LIPF: variants seen among roughly 807,000 people sequenced by gnomAD.
LIPF encodes gastric triacylglycerol lipase.
Under a neutral mutation model 38.0 loss-of-function variants are expected in LIPF, and 25 were observed. The observed-to-expected ratio is 0.66, with a 90% CI of 0.48 to 0.92. The LOEUF (loss-of-function observed/expected upper bound fraction) is 0.92, where lower values mean the gene tolerates loss of function less well. LIPF is among the 40% of genes least tolerant of loss of function. The pLI is 0.00. For missense variants in LIPF, 410 were observed against 469.9 expected (o/e 0.87, Z 1.18); for synonymous variants, 161 against 156.2 (o/e 1.03, Z -0.23).
Position 88,675,572 on chromosome 10 carries a change from C to T in LIPF, c.817-14C>T, listed in dbSNP as rs1157280313. On this transcript the variant is annotated splice_polypyrimidine_tract_variant and intron_variant, in intron 7 of 9. Coordinates refer to ENST00000238983, the MANE Select transcript of LIPF (RefSeq NM_004190.4). ...CTTAGTATGTATATAATATGTGTGT[C>T]TGTTGATTTCTAGAGTCGCTTGGAT... is the stretch of plus-strand genomic sequence containing the variant. The T allele has an allele frequency of 1.3e-6, 2 of 1,587,772 alleles. No homozygotes were observed. The highest frequency in any genetic ancestry group is 1.7e-6 in the Non-Finnish European group (2 of 1,156,684).
rs1841725852 is a variant in LIPF, at chr10:88,678,612, C to T, written c.1128C>T (p.Ile376=). The T allele has an allele frequency of 9.3e-6, 15 of 1,613,962 alleles. No homozygotes were observed. The highest frequency in any genetic ancestry group is 1.3e-5 in the Non-Finnish European group (15 of 1,179,852). ...EIPFYNHLDF[I]WAMDAPQEVY... ...CTTTTTACAATCACTTGGACTTTAT[C>T]TGGGCAATGGATGCCCCTCAAGAAG... The change falls in exon 10 of 10, where the codon ATC becomes ATT. Residue 376 remains isoleucine (I), a synonymous_variant. Transcript: ENST00000238983.
intron 7 of LIPF, among the ~76,000 whole-genome samples, chr10:88,674,018 G>A (rs1392199455): frequency 6.6e-6 from 1 of 152,180 alleles, no homozygotes; most frequent in Non-Finnish European, 1.5e-5. Flanking sequence ...AATTCTGTAA[G>A]AGAAAGGACT....
chr10:88,669,933 GGGCACCACCA>G lies in LIPF; in HGVS notation c.520_529del (p.Gly174LeufsTer22). On this transcript the variant is annotated frameshift_variant, in exon 5 of 10. Transcript: ENST00000238983. LOFTEE classifies it high-confidence loss of function. ...AGCTACACTATGTTGGCCATTCCCAGGGCACCACCATTGGTAAGTAATGGCAGTCAAGGCC... is the reference window on the plus strand; with the variant it reads ...AGCTACACTATGTTGGCCATTCCCAGTTGGTAAGTAATGGCAGTCAAGGCC... 1 of 1,609,276 alleles carries G rather than the reference GGGCACCACCA, an allele frequency of 6.2e-7. No homozygotes were observed. Among genetic ancestry groups the G allele is most frequent in the Non-Finnish European group, 8.5e-7 (1 of 1,176,388 alleles).
intron 9 of LIPF, 137 bp downstream of exon 9, chr10:88,676,417 G>A (rs1841687075): frequency 1.6e-6 from 1 of 627,370 alleles, no homozygotes; most frequent in African/African-American, 1.9e-5. Flanking sequence ...TCTCCCACAT[G>A]ACTATGCATT....
chr10:88,673,529 A>AG, intron 6 of LIPF, 59 bp from the exon 7 acceptor site: 1 of 1,286,416 alleles, frequency 7.8e-7, no homozygotes, highest in South Asian at 1.4e-5. Context: ...TAGATAAACT[A>AG]GTGAGTCTTT....
At chr10:88,677,058 T>A (rs1841699966) in intron 9 of LIPF, among the ~76,000 whole-genome samples, 1 of 152,176 alleles carries the variant, frequency 6.6e-6, no homozygotes, top group East Asian at 1.9e-4. Context: ...ATCCAATTTT[T>A]CCATCCAAGT....
rs565907216 is a variant in LIPF at position 88,668,927 on chromosome 10, C to A, written c.422+171C>A. The A allele has an allele frequency of 1.9e-4, 113 of 603,530 alleles. No homozygotes were observed. In the Admixed American group the frequency reaches 3.3e-3, roughly 17 times the overall value. 37.4% of individuals were successfully genotyped at this position (603,530 alleles called of 1,614,324 possible). On this transcript the variant is annotated intron_variant, in intron 4 of 9. Transcript: ENST00000238983. ...TCCATGTACCTCATTCCTAGGGTAG[C>A]TTTTCCTTCAAACTTTTGTGATCTC...
intron 9 of LIPF, among the ~76,000 whole-genome samples, chr10:88,677,084 C>A (rs766929392): frequency 6.6e-6 from 1 of 152,184 alleles, no homozygotes; most frequent in Non-Finnish European, 1.5e-5. Context: ...CTGAACAACT[C>A]TACTAATTTT....
At chr10:88,675,720 A>G (rs944684946) in intron 8 of LIPF, 63 bp downstream of exon 8, 8 of 1,194,590 alleles carry the variant, frequency 6.7e-6, no homozygotes, top group Admixed American at 1.8e-5. Flanking sequence ...CACTTTACCT[A>G]AACACATTCT....
At chr10:88,674,063 A>C (rs1196598570) in intron 7 of LIPF, among the ~76,000 whole-genome samples, 5 of 152,232 alleles carry the variant, frequency 3.3e-5, no homozygotes, top group Admixed American at 3.3e-4. Context: ...TTTGTGAGAA[A>C]AATGTCTAGA....
chr10:88,667,424 C>T, intron 2 of LIPF, 22 bp downstream of exon 2: 1 of 1,344,832 alleles, frequency 7.4e-7, no homozygotes, highest in Non-Finnish European at 1.1e-6. Context: ...TGGGGAAAAA[C>T]TCTATAAAAC....
chr10:88,667,444 C>A, intron 2 of LIPF, 42 bp downstream of exon 2: 1 of 1,224,116 alleles, frequency 8.2e-7, no homozygotes, highest in South Asian at 1.3e-5. Flanking sequence ...CTAAAAGATG[C>A]TATTATTTAA....
Position 88,669,831 on chromosome 10 carries a change from T to G in LIPF, c.423-6T>G. ...ATTCACTTTCATTTTGTCTTTTTCC[T>G]TTCAGCTTTGATGAAATGGCTAAAT... On this transcript the variant is annotated splice_polypyrimidine_tract_variant and splice_region_variant and intron_variant, in intron 4 of 9. Coordinates refer to ENST00000238983, the MANE Select transcript of LIPF (RefSeq NM_004190.4). The G allele has an allele frequency of 1.3e-6, 2 of 1,592,686 alleles. No homozygotes were observed. The highest frequency in any genetic ancestry group is 1.7e-6 in the Non-Finnish European group (2 of 1,163,762).
In LIPF at chr10:88,668,559, C is replaced by T. The variant is rs112490931; in HGVS notation, c.225C>T (p.Gly75=). ...PYGKKNSGNT[G]QRPVVFLQHG... is the part of the protein sequence containing the mutation. ...GTTTATAAACATTTTCTTCCTTAGG[C>T]CAGAGACCTGTTGTGTTTTTGCAGC... Residue 75 remains glycine, a splice_region_variant and synonymous_variant, in exon 4 of 10, where the codon GGC becomes GGT. Transcript: ENST00000238983. The T allele has an allele frequency of 2.5e-6, 4 of 1,613,922 alleles. No individual in the cohort carries two copies. Among genetic ancestry groups the T allele is most frequent in the East Asian group, 4.5e-5 (2 of 44,878 alleles).
chr10:88,664,630 T>C (rs1841485532), intron 1 of LIPF, 139 bp downstream of exon 1: 1 of 152,610 alleles, frequency 6.6e-6, no homozygotes, highest in South Asian at 2.1e-4. Flanking sequence ...TTATGGCTTA[T>C]TCCTCTAGGA....
intron 9 of LIPF, among the ~76,000 whole-genome samples, chr10:88,677,205 A>G (rs574710328): frequency 6.6e-6 from 1 of 152,176 alleles, no homozygotes; most frequent in Non-Finnish European, 1.5e-5. Flanking sequence ...TGATATCTTT[A>G]AAGTTTTCAG....
intron 5 of LIPF, among the ~76,000 whole-genome samples, chr10:88,671,091 A>G (rs17287065): frequency 0.014 from 2,163 of 152,288 alleles, 34 homozygotes; most frequent in Middle Eastern, 0.071. Context: ...TAAACTTGAT[A>G]ACTACTTGAT....
intron 6 of LIPF, 108 bp from the exon 7 acceptor site, chr10:88,673,477 TAAG>T: frequency 1.2e-6 from 1 of 835,130 alleles, no homozygotes; most frequent in Non-Finnish European, 1.9e-6. Context: ...CATGTAAGAA[TAAG>T]AATATATCAT....
Position 88,668,729 on chromosome 10 carries a change from C to A in LIPF, c.395C>A (p.Pro132Gln), listed in dbSNP as rs563382413. The A allele has an allele frequency of 9.9e-6, 16 of 1,614,020 alleles. No homozygotes were observed. The African/African-American group carries it at 1.9e-4, about 19-fold the overall frequency. The change falls in exon 4 of 10, where the codon CCA becomes CAA. Residue 132 changes from proline to glutamine, a missense_variant. Transcript: ENST00000238983. ...GCCAGAAGAAACTTGTACTATTCAC[C>A]AGATTCAGTTGAATTCTGGGCTTTC... ...TWARRNLYYS[P>Q]DSVEFWAFSF... is the part of the protein sequence containing the mutation.
Sources: gnomAD v4.1 joint callset for allele counts (sites outside exome capture counted in the v4.1 genomes callset) on GRCh38, gnomAD v4.1.1 for gene constraint, MANE v1.5 for transcripts, NCBI Gene and HGNC (gene_info 2026-07-23, HGNC 2026-07-21) for gene names.